TMTC1: variants seen among roughly 807,000 people sequenced by gnomAD.
The protein encoded by TMTC1 is protein O-mannosyl-transferase TMTC1.
TMTC1 carries 73 observed loss-of-function variants against 104.8 expected under a neutral mutation model. The observed-to-expected ratio is 0.70, with a 90% CI of 0.58 to 0.85. The LOEUF is 0.85. Ranked by LOEUF, TMTC1 falls within the 40% of genes least tolerant of loss-of-function variation. The pLI, the probability that TMTC1 is intolerant of heterozygous loss-of-function variation, is 0.00. For synonymous variants in TMTC1, 434 were observed against 428.7 expected, an observed-to-expected ratio of 1.01 and a Z score of -0.15; for missense variants, 1,035 against 1,096.1, an observed-to-expected ratio of 0.94 and a Z score of 0.79.
chr12:29,740,373 T>C lies in TMTC1; in HGVS notation c.938+11293A>G, dbSNP rs186498281. Among the ~76,000 whole-genome samples the C allele has an allele frequency of 3.0e-3, 463 of 152,166 alleles. 5 individuals are homozygous for C. The highest frequency in any genetic ancestry group is 0.011 in the African/African-American group (445 of 41,514). On this transcript the variant is annotated intron_variant, in intron 5 of 17. Coordinates refer to ENST00000539277, the MANE Select transcript of TMTC1 (RefSeq NM_001193451.2). ...ATCTGGTGGGCACAATCTAATCAGT[T>C]TCCAGTGAATATAAAGCAGGCAGAA... is the stretch of plus-strand genomic sequence containing the variant.
intron 6 of TMTC1, among the ~76,000 whole-genome samples, chr12:29,622,296 A>G (rs1937714531): frequency 6.6e-6 from 1 of 152,214 alleles, no homozygotes; most frequent in African/African-American, 2.4e-5. Flanking sequence ...AACCAATACC[A>G]AATAAATTAC....
chr12:29,643,483 TA>T (rs1208967529), intron 5 of TMTC1, among the ~76,000 whole-genome samples: 2 of 35,566 alleles, frequency 5.6e-5, no homozygotes, highest in East Asian at 6.3e-4. Context: ...TGATGGAATA[TA>T]AAAAATATTA....
At chr12:29,643,700 T>TATATAATATATAA (rs376453734) in intron 5 of TMTC1, among the ~76,000 whole-genome samples, 4 of 1,324 alleles carry the variant, frequency 3.0e-3, no homozygotes, top group African/African-American at 4.7e-3. Context: ...ATTATATATA[T>TATATAATATATAA]TATATATTAT....
At chr12:29,682,375 C>CTTA (rs1303867194) in intron 5 of TMTC1, among the ~76,000 whole-genome samples, 1 of 152,120 alleles carries the variant, frequency 6.6e-6, no homozygotes, top group African/African-American at 2.4e-5. Context: ...ATCAGTTGCA[C>CTTA]TCCTGGGCAC....
At chr12:29,709,590 T>C (rs942779384) in intron 5 of TMTC1, among the ~76,000 whole-genome samples, 2 of 151,968 alleles carry the variant, frequency 1.3e-5, no homozygotes, top group African/African-American at 4.8e-5. Context: ...ATTTTCTAAA[T>C]AAACAGAAAA....
intron 6 of TMTC1, among the ~76,000 whole-genome samples, chr12:29,608,268 T>C (rs1293729821): frequency 6.6e-6 from 1 of 152,180 alleles, no homozygotes; most frequent in Non-Finnish European, 1.5e-5. Flanking sequence ...ATCACTGATG[T>C]GACAAAATTG....
chr12:29,744,687 A>C (rs1942907102), intron 5 of TMTC1, among the ~76,000 whole-genome samples: 1 of 152,208 alleles, frequency 6.6e-6, no homozygotes, highest in Non-Finnish European at 1.5e-5. Flanking sequence ...ACAGTAACAG[A>C]AAAATCAAAA....
Position 29,660,981 on chromosome 12 carries a change from G to T in TMTC1, c.939-27645C>A, listed in dbSNP as rs77787478. The T allele has an allele frequency of 2.4e-3, 1,391 of 584,758 alleles. 17 individuals carry two copies. The African/African-American group carries it at 0.024, about 10-fold the overall frequency. 36.2% of individuals were successfully genotyped at this position (584,758 alleles called of 1,614,324 possible). ...AGACGCTGCAGCTCTGAAGAAGGCT[G>T]CAGAGAACAATGCTGAGAGCAGGGC... On this transcript the variant is annotated intron_variant, in intron 5 of 17. Transcript: ENST00000539277.
At chr12:29,652,472 C>G (rs1222327385) in intron 5 of TMTC1, among the ~76,000 whole-genome samples, 1 of 152,112 alleles carries the variant, frequency 6.6e-6, no homozygotes, top group Non-Finnish European at 1.5e-5. Context: ...GTCTTAACGA[C>G]AAAAAGCAAA....
chr12:29,740,290 G>T (rs974947632), intron 5 of TMTC1, among the ~76,000 whole-genome samples: 9 of 152,274 alleles, frequency 5.9e-5, no homozygotes, highest in Non-Finnish European at 1.0e-4. Context: ...CTGTGTGGGT[G>T]GTGCCAAAAG....
At chr12:29,737,470 C>T (rs1438498323) in intron 5 of TMTC1, among the ~76,000 whole-genome samples, 5 of 151,988 alleles carry the variant, frequency 3.3e-5, no homozygotes, top group African/African-American at 1.2e-4. Flanking sequence ...GCCCAGATCG[C>T]GCCATTGCAC....
At chr12:29,736,962 A>G (rs1942693233) in intron 5 of TMTC1, among the ~76,000 whole-genome samples, 1 of 152,264 alleles carries the variant, frequency 6.6e-6, no homozygotes, top group African/African-American at 2.4e-5. Context: ...CGTAACATTC[A>G]GCAGACAGAA....
intron 8 of TMTC1, among the ~76,000 whole-genome samples, chr12:29,581,554 ATTTTTTTTTC>A (rs966994073): frequency 6.6e-6 from 1 of 150,894 alleles, no homozygotes; most frequent in Non-Finnish European, 1.5e-5. Flanking sequence ...CCAATCAGCT[ATTTTTTTTTC>A]TTTTTTTTTT....
intron 5 of TMTC1, among the ~76,000 whole-genome samples, chr12:29,737,564 CTCAGGGAA>C (rs1207509316): frequency 6.6e-6 from 1 of 152,128 alleles, no homozygotes; most frequent in East Asian, 1.9e-4. Context: ...GGGGAAGCCA[CTCAGGGAA>C]AAGGGGAAAC....
intron 8 of TMTC1, among the ~76,000 whole-genome samples, chr12:29,573,280 T>C (rs1437677779): frequency 6.6e-6 from 1 of 152,034 alleles, no homozygotes; most frequent in Non-Finnish European, 1.5e-5. Flanking sequence ...ATGAAAGTGG[T>C]GGAAAAAAGG....
chr12:29,646,071 C>T (rs1025366558), intron 5 of TMTC1, among the ~76,000 whole-genome samples: 1 of 152,124 alleles, frequency 6.6e-6, no homozygotes, highest in African/African-American at 2.4e-5. Context: ...TATGGTCTCC[C>T]ATTAGCATTT....
intron 5 of TMTC1, among the ~76,000 whole-genome samples, chr12:29,745,842 G>A (rs1031300434): frequency 6.6e-6 from 1 of 152,028 alleles, no homozygotes; most frequent in Non-Finnish European, 1.5e-5. Flanking sequence ...GCTTTCTTGG[G>A]TCTACCACTA....
chr12:29,718,911 T>A (rs1339274744), intron 5 of TMTC1, among the ~76,000 whole-genome samples: 2 of 124,316 alleles, frequency 1.6e-5, no homozygotes, highest in African/African-American at 6.3e-5. Context: ...CCAGCCTGGG[T>A]GACAGAGCGA....
intron 10 of TMTC1, among the ~76,000 whole-genome samples, chr12:29,544,792 G>A (rs960534439): frequency 6.6e-6 from 1 of 152,198 alleles, no homozygotes; most frequent in Non-Finnish European, 1.5e-5. Flanking sequence ...AATTTAGTCA[G>A]GATTCATTTG....
Sources: gnomAD v4.1 joint callset for allele counts (sites outside exome capture counted in the v4.1 genomes callset) on GRCh38, gnomAD v4.1.1 for gene constraint, MANE v1.5 for transcripts, NCBI Gene and HGNC (gene_info 2026-07-23, HGNC 2026-07-21) for gene names.